Variants in NCKAP5 observed in about 807,000 individuals in gnomAD.
NCKAP5 encodes the protein nck-associated protein 5.
Under a neutral mutation model 167.0 loss-of-function variants are expected in NCKAP5, and 92 were observed. That is an observed-to-expected ratio of 0.55 (90% CI 0.47 to 0.66). NCKAP5 has a LOEUF of 0.66. Among genes scored for constraint, NCKAP5 ranks in the 30% least tolerant of loss-of-function variants. The probability of loss-of-function intolerance (pLI) is 0.00; values close to 1 mark genes in which losing one functional copy is unlikely to be tolerated. For missense variants in NCKAP5, 2,378 were observed against 2,315.0 expected, an observed-to-expected ratio of 1.03 and a Z score of -0.56; for synonymous variants, 891 against 877.4, an observed-to-expected ratio of 1.02 and a Z score of -0.27.
intron 8 of NCKAP5, among the ~76,000 whole-genome samples, chr2:132,905,292 G>A (rs936435848): frequency 1.3e-5 from 2 of 152,072 alleles, no homozygotes; most frequent in Admixed American, 6.6e-5. Context: ...ACTTATGGCA[G>A]CATGGCTTAT....
chr2:133,580,894 G>GA, the NCKAP5 span, among the ~76,000 whole-genome samples: 1 of 152,130 alleles, frequency 6.6e-6, no homozygotes, highest in Non-Finnish European at 1.5e-5. Context: ...GAGAGTTTCG[G>GA]AAATGAATAG....
At chr2:133,650,856 T>G in the NCKAP5 span, among the ~76,000 whole-genome samples, 1 of 152,156 alleles carries the variant, frequency 6.6e-6, no homozygotes, top group Non-Finnish European at 1.5e-5. Flanking sequence ...CACTCCAGCC[T>G]GGGTGAGAGA....
intron 3 of NCKAP5, among the ~76,000 whole-genome samples, chr2:133,451,239 C>T (rs906733642): frequency 1.3e-5 from 2 of 152,178 alleles, no homozygotes; most frequent in African/African-American, 4.8e-5. Flanking sequence ...TCTGATCTTA[C>T]AGTCATGGAT....
chr2:133,093,382 C>T (rs1431051435), intron 6 of NCKAP5, among the ~76,000 whole-genome samples: 2 of 152,164 alleles, frequency 1.3e-5, no homozygotes, highest in East Asian at 3.9e-4. Flanking sequence ...TTTAAAACAG[C>T]AGTGCCTGAA....
intron 8 of NCKAP5, among the ~76,000 whole-genome samples, chr2:132,920,771 G>GTGTGTATATATATA (rs1219401757): frequency 6.0e-4 from 19 of 31,580 alleles, no homozygotes; most frequent in Non-Finnish European, 9.8e-4. Flanking sequence ...ATATATGTAT[G>GTGTGTATATATATA]TATATATATA....
intron 11 of NCKAP5, among the ~76,000 whole-genome samples, chr2:132,837,454 ATACTT>A (rs1454201048): frequency 6.6e-6 from 1 of 152,052 alleles, no homozygotes; most frequent in Non-Finnish European, 1.5e-5. Flanking sequence ...GAAATTACCT[ATACTT>A]TACCTTCCAG....
rs1051234713 is a variant in NCKAP5 at position 133,452,684 on chromosome 2, A to G, written c.69+64774T>C. ...TCTCAGAAGCAGCAGTGTGAAATCAATCCTTAAATCCATTCAGAACAAGAT... is the reference window on the plus strand; with the variant it reads ...TCTCAGAAGCAGCAGTGTGAAATCAGTCCTTAAATCCATTCAGAACAAGAT... On this transcript the variant is annotated intron_variant, in intron 3 of 19. Coordinates refer to ENST00000409261, the MANE Select transcript of NCKAP5 (RefSeq NM_207363.3). Among the ~76,000 whole-genome samples, 3 of 152,158 alleles carry G rather than the reference A, an allele frequency of 2.0e-5. No homozygotes were observed. The East Asian group carries it at 5.8e-4, about 29-fold the overall frequency.
At chr2:132,864,622 T>C (rs534363332) in intron 10 of NCKAP5, among the ~76,000 whole-genome samples, 2 of 152,186 alleles carry the variant, frequency 1.3e-5, no homozygotes, top group Non-Finnish European at 2.9e-5. Context: ...CCTATAGGAG[T>C]ACAGTTACTT....
At chr2:133,216,182 A>G (rs1444365164) in intron 4 of NCKAP5, among the ~76,000 whole-genome samples, 1 of 152,120 alleles carries the variant, frequency 6.6e-6, no homozygotes, top group Non-Finnish European at 1.5e-5. Context: ...ATAAATCTAT[A>G]AATTCCTATT....
chr2:133,468,826 T>C (rs1009318501), intron 3 of NCKAP5, among the ~76,000 whole-genome samples: 6 of 152,198 alleles, frequency 3.9e-5, no homozygotes, highest in African/African-American at 1.4e-4. Context: ...GAGAGTAGGT[T>C]TGCAACCCCT....
intron 11 of NCKAP5, among the ~76,000 whole-genome samples, chr2:132,853,009 A>G (rs1689190544): frequency 6.6e-6 from 1 of 152,234 alleles, no homozygotes; most frequent in African/African-American, 2.4e-5. Flanking sequence ...ATAGTGCTCA[A>G]TGAATTTTTG....
chr2:132,705,517 A>T lies in NCKAP5; in HGVS notation c.5713+20110T>A, dbSNP rs576934730. 9.9e-5 allele frequency among the ~76,000 whole-genome samples: 15 copies of T among 152,240 alleles called. No individual in the cohort carries two copies. In the South Asian group the frequency reaches 3.1e-3, roughly 32 times the overall value. ...CTATCAGTGTCATTTGATATATTTGATCTCTTCTTTCCCCTTGAAAACTCT... is the reference window on the plus strand; with the variant it reads ...CTATCAGTGTCATTTGATATATTTGTTCTCTTCTTTCCCCTTGAAAACTCT... On this transcript the variant is annotated intron_variant, in intron 19 of 19. Coordinates refer to ENST00000409261, the MANE Select transcript of NCKAP5 (RefSeq NM_207363.3).
chr2:133,116,348 C>A (rs935483546), intron 6 of NCKAP5, among the ~76,000 whole-genome samples: 2 of 124,716 alleles, frequency 1.6e-5, no homozygotes, highest in Non-Finnish European at 3.2e-5. Context: ...ATTAGCCGGG[C>A]GTGGTGGCGG....
intron 3 of NCKAP5, among the ~76,000 whole-genome samples, chr2:133,486,641 C>T (rs1680931961): frequency 6.6e-6 from 1 of 152,144 alleles, no homozygotes; most frequent in Admixed American, 6.6e-5. Flanking sequence ...CTGAATTTAC[C>T]TCATTAGATT....
chr2:132,696,090 A>G (rs2105190517), intron 19 of NCKAP5, among the ~76,000 whole-genome samples: 1 of 152,372 alleles, frequency 6.6e-6, no homozygotes, highest in East Asian at 1.9e-4. Context: ...GATGGTGCAT[A>G]TACTTATTTT....
chr2:133,051,472 A>G lies in NCKAP5; in HGVS notation c.342-57233T>C, dbSNP rs560485073. Among the ~76,000 whole-genome samples, 2 of 152,344 alleles carry G rather than the reference A, an allele frequency of 1.3e-5. 1 individual carries two copies. Among genetic ancestry groups the G allele is most frequent in the African/African-American group, 4.8e-5 (2 of 41,594 alleles). ...ACATGAAAGGAACGTGGGCTGGAAC[A>G]GTCCCAAGATTCACTTGGTCAAAAT... On this transcript the variant is annotated intron_variant, in intron 6 of 19. Coordinates refer to ENST00000409261, the MANE Select transcript of NCKAP5 (RefSeq NM_207363.3).
At chr2:133,120,350 C>T (rs1445911824) in intron 6 of NCKAP5, among the ~76,000 whole-genome samples, 3 of 152,102 alleles carry the variant, frequency 2.0e-5, no homozygotes, top group Non-Finnish European at 2.9e-5. Context: ...TTATTTCTCA[C>T]GAATTAAATA....
At chr2:132,733,746 C>A (rs1383855067) in intron 16 of NCKAP5, among the ~76,000 whole-genome samples, 5 of 152,158 alleles carry the variant, frequency 3.3e-5, no homozygotes. Context: ...CCCTACCTTC[C>A]TCCTCAAAAC....
chr2:133,237,132 G>C lies in NCKAP5; in HGVS notation c.144-23353C>G, dbSNP rs199708420. On this transcript the variant is annotated intron_variant, in intron 4 of 19. Transcript: ENST00000409261. ...GAAATGCTCCTATTGGCTGAATCTA[G>C]AAAATTTACTTTATGAAACATCAGT... Among the ~76,000 whole-genome samples the C allele has an allele frequency of 2.6e-5, 4 of 151,746 alleles. 1 individual carries two copies. The East Asian group carries it at 7.7e-4, about 29-fold the overall frequency.
Sources: gnomAD v4.1 joint callset for allele counts (sites outside exome capture counted in the v4.1 genomes callset) on GRCh38, gnomAD v4.1.1 for gene constraint, MANE v1.5 for transcripts, NCBI Gene and HGNC (gene_info 2026-07-23, HGNC 2026-07-21) for gene names.